Variants in ROBO1 observed in about 807,000 individuals in gnomAD.
The protein encoded by ROBO1 is roundabout homolog 1.
In ROBO1, 149 loss-of-function variants were observed where a neutral mutation model predicts 195.9. That is an observed-to-expected ratio of 0.76 (90% CI 0.67 to 0.87). The LOEUF (loss-of-function observed/expected upper bound fraction) is 0.87, where lower values mean the gene tolerates loss of function less well. Ranked by LOEUF, ROBO1 falls within the 40% of genes least tolerant of loss-of-function variation. The pLI, the probability that ROBO1 is intolerant of heterozygous loss-of-function variation, is 0.00. For synonymous variants in ROBO1, 816 were observed against 733.2 expected (o/e 1.11, Z -1.82); for missense variants, 1,933 against 2,068.3 (o/e 0.93, Z 1.27).
chr3:78,698,022 A>T (rs888852588), intron 8 of ROBO1, among the ~76,000 whole-genome samples: 2 of 152,164 alleles, frequency 1.3e-5, no homozygotes, highest in African/African-American at 4.8e-5. Flanking sequence ...AATTCTAATG[A>T]ATCCTTAAAT....
At chr3:78,980,705 T>C (rs2076972940) in intron 3 of ROBO1, among the ~76,000 whole-genome samples, 1 of 152,148 alleles carries the variant, frequency 6.6e-6, no homozygotes, top group Non-Finnish European at 1.5e-5. Context: ...CCATCTTATG[T>C]GGAACTTAGT....
chr3:79,557,429 T>C (rs1255799047), intron 2 of ROBO1, among the ~76,000 whole-genome samples: 1 of 152,050 alleles, frequency 6.6e-6, no homozygotes, highest in Non-Finnish European at 1.5e-5. Flanking sequence ...GAATTTAAGA[T>C]ACATAATTAA....
intron 1 of ROBO1, among the ~76,000 whole-genome samples, chr3:79,625,658 G>C (rs1257823222): frequency 6.6e-6 from 1 of 151,940 alleles, no homozygotes; most frequent in African/African-American, 2.4e-5. Context: ...ACTAAACCAG[G>C]AAGAAGCTGA....
intron 2 of ROBO1, among the ~76,000 whole-genome samples, chr3:79,226,739 G>C (rs140767702): frequency 6.6e-6 from 1 of 151,646 alleles, no homozygotes; most frequent in Non-Finnish European, 1.5e-5. Flanking sequence ...TAGAGATAAG[G>C]TCTCCGTATG....
chr3:78,935,163 A>T (rs989036077), intron 4 of ROBO1, among the ~76,000 whole-genome samples: 2 of 152,126 alleles, frequency 1.3e-5, no homozygotes, highest in Admixed American at 6.5e-5. Flanking sequence ...CACTCCAGTT[A>T]GTAAAATCTA....
chr3:79,646,235 A>C (rs1232359754), intron 1 of ROBO1, among the ~76,000 whole-genome samples: 1 of 152,150 alleles, frequency 6.6e-6, no homozygotes, highest in African/African-American at 2.4e-5. Flanking sequence ...AATTTGATTA[A>C]AAAAATGGAC....
chr3:79,168,569 AT>A (rs1243541127), intron 2 of ROBO1, among the ~76,000 whole-genome samples: 1 of 151,752 alleles, frequency 6.6e-6, no homozygotes, highest in African/African-American at 2.4e-5. Context: ...TGCCCCTACT[AT>A]TTTGCTTATA....
chr3:79,498,640 G>A (rs1939880472), intron 2 of ROBO1, among the ~76,000 whole-genome samples: 1 of 152,078 alleles, frequency 6.6e-6, no homozygotes, highest in Non-Finnish European at 1.5e-5. Flanking sequence ...GATTACCTGA[G>A]GTCAGAAGTT....
chr3:79,021,136 C>T (rs2108273372), intron 3 of ROBO1, among the ~76,000 whole-genome samples: 1 of 152,174 alleles, frequency 6.6e-6, no homozygotes, highest in Admixed American at 6.5e-5. Flanking sequence ...AGTAAACAGC[C>T]TGGAGATAAG....
At chr3:78,865,226 T>C (rs2035095005) in intron 4 of ROBO1, among the ~76,000 whole-genome samples, 1 of 152,164 alleles carries the variant, frequency 6.6e-6, no homozygotes. Flanking sequence ...GAACAAAATG[T>C]ATAATCAATG....
intron 2 of ROBO1, among the ~76,000 whole-genome samples, chr3:79,342,473 G>A (rs917148054): frequency 2.0e-5 from 3 of 152,054 alleles, no homozygotes; most frequent in African/African-American, 4.8e-5. Context: ...GAATTACTTC[G>A]AGTGCTTGTT....
chr3:79,267,750 T>C (rs2030120589), intron 2 of ROBO1, among the ~76,000 whole-genome samples: 1 of 151,532 alleles, frequency 6.6e-6, no homozygotes, highest in African/African-American at 2.4e-5. Flanking sequence ...TGTTTTGTTG[T>C]TATTTTAAGT....
intron 4 of ROBO1, among the ~76,000 whole-genome samples, chr3:78,914,474 T>C (rs1192598372): frequency 6.6e-6 from 1 of 151,978 alleles, no homozygotes; most frequent in East Asian, 1.9e-4. Flanking sequence ...AATCTGTGTA[T>C]ATTTAGTATA....
chr3:79,658,653 C>A (rs949287254), intron 1 of ROBO1, among the ~76,000 whole-genome samples: 1 of 151,926 alleles, frequency 6.6e-6, no homozygotes, highest in Non-Finnish European at 1.5e-5. Flanking sequence ...TATTTCAATA[C>A]AAGCATACAA....
At position 78,751,295 on chromosome 3, in the gene ROBO1, G is replaced by GTAATAA. The variant is rs58730543; in HGVS notation, c.500-4401_500-4396dup. ...GGGAGAGGAGCATGCCACATAAATAGTAATAATAATAATAATAATAATAAT... is the reference window on the plus strand; with the variant it reads ...GGGAGAGGAGCATGCCACATAAATAGTAATAATAATAATAATAATAATAATAATAAT... On this transcript the variant is annotated intron_variant, in intron 4 of 30. Transcript: ENST00000464233. 5.3e-5 allele frequency among the ~76,000 whole-genome samples: 8 copies of GTAATAA among 150,630 alleles called. No homozygotes were observed. The South Asian group carries it at 1.1e-3, about 20-fold the overall frequency.
Position 78,943,886 on chromosome 3 carries a change from G to C in ROBO1, c.173-4959C>G, listed in dbSNP as rs186367734. Among the ~76,000 whole-genome samples, 164 of 152,208 alleles carry C rather than the reference G, an allele frequency of 1.1e-3. 4 individuals carry two copies. The highest frequency in any genetic ancestry group is 3.1e-3 in the Admixed American group (48 of 15,284). On this transcript the variant is annotated intron_variant, in intron 3 of 30. Coordinates refer to ENST00000464233, the MANE Select transcript of ROBO1 (RefSeq NM_002941.4). ...ATTTCTCATAATGTATAACCTTCAG[G>C]AAAAAGATCTTCCAATTTCAGAGTG...
chr3:79,597,393 G>A (rs899500431), intron 1 of ROBO1, among the ~76,000 whole-genome samples: 3 of 151,910 alleles, frequency 2.0e-5, no homozygotes, highest in Non-Finnish European at 4.4e-5. Context: ...TCAACTTTGA[G>A]TACTTCAAAC....
intron 2 of ROBO1, among the ~76,000 whole-genome samples, chr3:79,442,873 G>A (rs934546945): frequency 7.9e-5 from 12 of 152,090 alleles, no homozygotes; most frequent in Non-Finnish European, 1.5e-4. Context: ...AAAATATGCA[G>A]GGTACTTTTT....
chr3:79,670,818 C>A lies in ROBO1; in HGVS notation c.-50-80857G>T, dbSNP rs1052271582. Reference sequence around the variant, plus strand: ...ACAGGCTCTGCTAATGTTAGAAAGTCATTTAGGACCCAAGTCCCTAGGGTG... The same window carrying A: ...ACAGGCTCTGCTAATGTTAGAAAGTAATTTAGGACCCAAGTCCCTAGGGTG... On this transcript the variant is annotated intron_variant, in intron 1 of 30. Transcript: ENST00000464233. 2.5e-4 allele frequency among the ~76,000 whole-genome samples: 38 copies of A among 151,760 alleles called. 1 individual carries two copies. The highest frequency in any genetic ancestry group is 9.2e-4 in the African/African-American group (38 of 41,372).
Sources: gnomAD v4.1 joint callset for allele counts (sites outside exome capture counted in the v4.1 genomes callset) on GRCh38, gnomAD v4.1.1 for gene constraint, MANE v1.5 for transcripts, NCBI Gene and HGNC (gene_info 2026-07-23, HGNC 2026-07-21) for gene names.